Variants in TNRC6B observed in about 807,000 individuals in gnomAD.
TNRC6B encodes the protein trinucleotide repeat containing adaptor 6B.
In TNRC6B, 52 loss-of-function variants were observed where a neutral mutation model predicts 203.6. That is an observed-to-expected ratio of 0.26 (90% CI 0.20 to 0.32). TNRC6B has a LOEUF of 0.32. Among genes scored for constraint, TNRC6B ranks in the 10% least tolerant of loss-of-function variants. TNRC6B has a pLI of 1.00. For synonymous variants in TNRC6B, 838 were observed against 845.7 expected, an observed-to-expected ratio of 0.99 and a Z score of 0.16; for missense variants, 1,923 against 2,286.2, an observed-to-expected ratio of 0.84 and a Z score of 3.24.
chr22:40,213,812 C>G (rs1014580882), intron 1 of TNRC6B, among the ~76,000 whole-genome samples: 1 of 152,102 alleles, frequency 6.6e-6, no homozygotes, highest in Admixed American at 6.5e-5. Context: ...CAGTGCACTA[C>G]TGTATAGGAA....
At chr22:40,226,412 T>TTACTGTCTTACACAAACA (rs1309896172) in intron 1 of TNRC6B, among the ~76,000 whole-genome samples, 25 of 152,168 alleles carry the variant, frequency 1.6e-4, no homozygotes, top group Non-Finnish European at 2.9e-5. Flanking sequence ...CTTAATAAAA[T>TTACTGTCTTACACAAACA]GACAGTAGTG....
At chr22:40,115,236 A>C (rs1027347752) in intron 1 of TNRC6B, among the ~76,000 whole-genome samples, 1 of 152,200 alleles carries the variant, frequency 6.6e-6, no homozygotes, top group African/African-American at 2.4e-5. Flanking sequence ...CACTATTTGG[A>C]CTAATGATAG....
chr22:40,232,834 G>A (rs1184804721), intron 1 of TNRC6B, among the ~76,000 whole-genome samples: 1 of 152,018 alleles, frequency 6.6e-6, no homozygotes, highest in Non-Finnish European at 1.5e-5. Flanking sequence ...CCAACATGGC[G>A]AAACCCTGTC....
At chr22:40,254,280 G>A (rs9611302) in intron 3 of TNRC6B, among the ~76,000 whole-genome samples, 10,486 of 152,270 alleles carry the variant, frequency 0.069, 481 homozygotes, top group Non-Finnish European at 0.11. Context: ...ATGAAGTTTA[G>A]GATTAAGTTT....
At chr22:40,200,190 G>A (rs138625913) in intron 1 of TNRC6B, among the ~76,000 whole-genome samples, 2 of 151,744 alleles carry the variant, frequency 1.3e-5, no homozygotes, top group African/African-American at 4.8e-5. Context: ...AATGGTTCTG[G>A]GGAGAGACAG....
chr22:40,078,366 A>G (rs2146286846), intron 1 of TNRC6B, among the ~76,000 whole-genome samples: 1 of 152,254 alleles, frequency 6.6e-6, no homozygotes, highest in Non-Finnish European at 1.5e-5. Flanking sequence ...TCTACAAAAA[A>G]TTTAAAAATT....
chr22:40,274,069 C>T (rs2070603870), intron 7 of TNRC6B, among the ~76,000 whole-genome samples: 1 of 152,126 alleles, frequency 6.6e-6, no homozygotes, highest in Non-Finnish European at 1.5e-5. Context: ...TCTTGCTTTC[C>T]CATGACCTTG....
intron 1 of TNRC6B, among the ~76,000 whole-genome samples, chr22:40,228,031 C>T (rs1361481939): frequency 6.6e-6 from 1 of 152,148 alleles, no homozygotes; most frequent in South Asian, 2.1e-4. Context: ...TTTTTAGTTT[C>T]TTCGCTGTCA....
chr22:40,064,112 T>C (rs1398902644), intron 1 of TNRC6B, among the ~76,000 whole-genome samples: 1 of 152,236 alleles, frequency 6.6e-6, no homozygotes, highest in Non-Finnish European at 1.5e-5. Flanking sequence ...TCCTGAAAAC[T>C]TGCTGAACTC....
At chr22:40,319,643 C>T (rs532384630) in intron 21 of TNRC6B, among the ~76,000 whole-genome samples, 1 of 152,184 alleles carries the variant, frequency 6.6e-6, no homozygotes, top group African/African-American at 2.4e-5. Flanking sequence ...CCAGGATGGT[C>T]TTGATCTCCT....
intron 1 of TNRC6B, among the ~76,000 whole-genome samples, chr22:40,224,717 C>T (rs939570782): frequency 6.6e-6 from 1 of 152,212 alleles, no homozygotes; most frequent in Non-Finnish European, 1.5e-5. Context: ...TTTCTTCTTT[C>T]TCTCCTTTCC....
intron 1 of TNRC6B, among the ~76,000 whole-genome samples, chr22:40,097,933 C>T (rs1043523875): frequency 3.9e-5 from 6 of 152,118 alleles, no homozygotes; most frequent in African/African-American, 1.4e-4. Context: ...CCCACCTCAG[C>T]TTCCCAAGTA....
intron 2 of TNRC6B, 49 bp from the exon 3 acceptor site, chr22:40,251,130 A>G: frequency 6.8e-7 from 1 of 1,481,422 alleles, no homozygotes. Context: ...AAAATACAGT[A>G]CTGAATTAAA....
At chr22:40,079,297 G>A (rs1168695710) in intron 1 of TNRC6B, among the ~76,000 whole-genome samples, 3 of 152,110 alleles carry the variant, frequency 2.0e-5, no homozygotes, top group African/African-American at 7.2e-5. Flanking sequence ...TGGTGGGCGA[G>A]TGGGTGTTAC....
At chr22:40,246,762 G>C (rs1439510409) in intron 2 of TNRC6B, among the ~76,000 whole-genome samples, 1 of 152,052 alleles carries the variant, frequency 6.6e-6, no homozygotes, top group Non-Finnish European at 1.5e-5. Context: ...AAACTGGCTG[G>C]AGGTTTGCCC....
chr22:40,276,578 G>A (rs918876514), intron 7 of TNRC6B, among the ~76,000 whole-genome samples: 1 of 152,080 alleles, frequency 6.6e-6, no homozygotes, highest in Non-Finnish European at 1.5e-5. Context: ...CTTCCACTAG[G>A]TCTCTTTACC....
intron 7 of TNRC6B, among the ~76,000 whole-genome samples, chr22:40,276,098 A>G (rs2070640235): frequency 6.6e-6 from 1 of 152,184 alleles, no homozygotes; most frequent in African/African-American, 2.4e-5. Flanking sequence ...CTGTAATCCC[A>G]GCACTTTGGG....
intron 1 of TNRC6B, among the ~76,000 whole-genome samples, chr22:40,210,749 A>C (rs1173796210): frequency 6.6e-6 from 1 of 152,220 alleles, no homozygotes. Context: ...ATTAAATTGT[A>C]AGGAAAATAT....
chr22:40,264,163 C>T (rs951264656), intron 4 of TNRC6B, among the ~76,000 whole-genome samples: 15 of 152,124 alleles, frequency 9.9e-5, no homozygotes, highest in African/African-American at 3.4e-4. Context: ...CAAGTAGTAT[C>T]GAATATTGAC....
Sources: gnomAD v4.1 joint callset for allele counts (sites outside exome capture counted in the v4.1 genomes callset) on GRCh38, gnomAD v4.1.1 for gene constraint, MANE v1.5 for transcripts, NCBI Gene and HGNC (gene_info 2026-07-23, HGNC 2026-07-21) for gene names.